The following BCL2L1 variants were observed in gnomAD, a reference collection of about 807,000 sequenced individuals.
The protein encoded by BCL2L1 is BCL2 like 1, also known as bcl-2-like protein 1.
A neutral mutation model predicts 18.7 loss-of-function variants in BCL2L1; 1 was observed. That is an observed-to-expected ratio of 0.05 (90% CI 0.02 to 0.25). BCL2L1 has a LOEUF of 0.25. BCL2L1 is among the 10% of genes least tolerant of loss of function. The pLI is 1.00. For missense variants in BCL2L1, 207 were observed against 304.9 expected (o/e 0.68, Z 2.39); for synonymous variants, 103 against 122.7 (o/e 0.84, Z 1.06).
intron 2 of BCL2L1, among the ~76,000 whole-genome samples, chr20:31,676,970 G>A (rs937038231): frequency 9.9e-5 from 15 of 152,004 alleles, no homozygotes; most frequent in African/African-American, 2.9e-4. Flanking sequence ...CTCTCTCTCC[G>A]CTGCTGCTCT....
rs190480493 is a variant in BCL2L1 at position 31,681,298 on chromosome 20, G to A, written c.565-15212C>T. ...ATCAGGAAAATATGACAGTGGCTTA[G>A]CCACAATGGTGCCAGGGAAGTTGGT... On this transcript the variant is annotated intron_variant, in intron 2 of 2. Transcript: ENST00000307677. 3.3e-5 allele frequency among the ~76,000 whole-genome samples: 5 copies of A among 152,298 alleles called. No homozygotes were observed. In the East Asian group the frequency reaches 9.6e-4, roughly 29 times the overall value.
intron 2 of BCL2L1, among the ~76,000 whole-genome samples, chr20:31,686,674 A>G (rs891223224): frequency 1.3e-5 from 2 of 152,170 alleles, no homozygotes; most frequent in African/African-American, 4.8e-5. Flanking sequence ...CAGGCCACCC[A>G]GCATGATACC....
intron 2 of BCL2L1, among the ~76,000 whole-genome samples, chr20:31,667,886 T>C (rs762533018): frequency 6.6e-6 from 1 of 152,144 alleles, no homozygotes; most frequent in African/African-American, 2.4e-5. Context: ...ATTAAGGCAG[T>C]AGAGAGCAGT....
intron 2 of BCL2L1, among the ~76,000 whole-genome samples, chr20:31,711,443 AC>A (rs1363747332): frequency 2.6e-5 from 4 of 152,188 alleles, no homozygotes; most frequent in Non-Finnish European, 5.9e-5. Flanking sequence ...GATGGATGGC[AC>A]ATGTAGACTG....
intron 2 of BCL2L1, among the ~76,000 whole-genome samples, chr20:31,687,635 A>C (rs2060982511): frequency 7.2e-6 from 1 of 139,272 alleles, no homozygotes; most frequent in African/African-American, 2.7e-5. Context: ...CAAGATTGCC[A>C]CTCCACTCCT....
chr20:31,670,987 G>C (rs2122445153), intron 2 of BCL2L1, among the ~76,000 whole-genome samples: 1 of 152,298 alleles, frequency 6.6e-6, no homozygotes, highest in East Asian at 1.9e-4. Flanking sequence ...TGGTAGGCAG[G>C]GGATGAGGTT....
chr20:31,693,094 A>G (rs1241523037), intron 2 of BCL2L1, among the ~76,000 whole-genome samples: 1 of 149,826 alleles, frequency 6.7e-6, no homozygotes, highest in Admixed American at 6.7e-5. Flanking sequence ...AAACAAAAAC[A>G]AAAAAAAGCA....
chr20:31,690,751 C>A (rs1315725150), intron 2 of BCL2L1, among the ~76,000 whole-genome samples: 1 of 151,938 alleles, frequency 6.6e-6, no homozygotes, highest in Non-Finnish European at 1.5e-5. Flanking sequence ...GATAAACTCT[C>A]TCCCACATGC....
intron 2 of BCL2L1, 148 bp downstream of exon 2, chr20:31,721,507 G>T: frequency 1.1e-6 from 1 of 906,556 alleles, no homozygotes; most frequent in Non-Finnish European, 1.6e-6. Flanking sequence ...TTAACCTCTT[G>T]TGGTGAAATG....
At chr20:31,676,378 A>T (rs1600773700) in intron 2 of BCL2L1, among the ~76,000 whole-genome samples, 1 of 152,180 alleles carries the variant, frequency 6.6e-6, no homozygotes, top group East Asian at 1.9e-4. Context: ...TCCCAAGGTC[A>T]CAGAGGCCAC....
chr20:31,715,504 T>C (rs1427222270), intron 2 of BCL2L1, among the ~76,000 whole-genome samples: 21 of 152,136 alleles, frequency 1.4e-4, no homozygotes, highest in African/African-American at 4.1e-4. Context: ...TCCCTCTGCT[T>C]TAAACACCCT....
intron 2 of BCL2L1, 189 bp downstream of exon 2, chr20:31,721,466 G>A (rs2061628723): frequency 1.5e-6 from 1 of 665,016 alleles, no homozygotes; most frequent in African/African-American, 1.8e-5. Flanking sequence ...CCTGATCTCT[G>A]AAGCACAGGG....
At position 31,722,670 on chromosome 20, in the gene BCL2L1, T is replaced by C. The variant is rs2061656538; in HGVS notation, c.-183A>G. 6.6e-6 allele frequency: 1 copy of C among 152,586 alleles called. No homozygotes were observed. Among genetic ancestry groups the C allele is most frequent in the Non-Finnish European group, 1.5e-5 (1 of 68,352 alleles). The allele number at this position is 152,586 out of a possible 1,614,324, so 9.5% of individuals were successfully genotyped here. ...GCAGGTGCAGCCCCCGGAAGATCTT[T>C]TGTATCACAGGTCGGGAGAGGAGGT... On this transcript the variant is annotated 5_prime_UTR_variant, in exon 1 of 3. Coordinates refer to ENST00000307677, the MANE Select transcript of BCL2L1 (RefSeq NM_138578.3).
rs75462334 is a variant in BCL2L1 at position 31,685,931 on chromosome 20, G to C, written c.565-19845C>G. Among the ~76,000 whole-genome samples the C allele has an allele frequency of 7.9e-5, 12 of 152,190 alleles. No homozygotes were observed. The East Asian group carries it at 2.1e-3, about 27-fold the overall frequency. ...AAAAGTGCAGTGAACAGGTACTCTAGGAGGCCTTTGGCATTATTATTATGC... is the reference window on the plus strand; with the variant it reads ...AAAAGTGCAGTGAACAGGTACTCTACGAGGCCTTTGGCATTATTATTATGC... On this transcript the variant is annotated intron_variant, in intron 2 of 2. Coordinates refer to ENST00000307677, the MANE Select transcript of BCL2L1 (RefSeq NM_138578.3).
intron 2 of BCL2L1, among the ~76,000 whole-genome samples, chr20:31,697,382 G>A (rs540258839): frequency 1.3e-5 from 2 of 152,222 alleles, no homozygotes; most frequent in South Asian, 4.1e-4. Context: ...AAATGGAAGA[G>A]GGAAGAGGAC....
chr20:31,709,322 T>C (rs776182670), intron 2 of BCL2L1, among the ~76,000 whole-genome samples: 2 of 152,106 alleles, frequency 1.3e-5, no homozygotes, highest in Non-Finnish European at 2.9e-5. Context: ...TGCTCGTGTG[T>C]GTGTGTGCGC....
At chr20:31,676,154 C>T (rs989553637) in intron 2 of BCL2L1, among the ~76,000 whole-genome samples, 1 of 152,168 alleles carries the variant, frequency 6.6e-6, no homozygotes, top group African/African-American at 2.4e-5. Flanking sequence ...AAAGCATTTA[C>T]TGGGGGCAGA....
At chr20:31,693,441 T>G (rs747879780) in intron 2 of BCL2L1, among the ~76,000 whole-genome samples, 14 of 151,786 alleles carry the variant, frequency 9.2e-5, no homozygotes, top group African/African-American at 3.1e-4. Context: ...TGGTAAGATA[T>G]CACAAAAGAA....
chr20:31,686,529 T>C (rs911604912), intron 2 of BCL2L1: 1 of 152,220 alleles, frequency 6.6e-6, no homozygotes, highest in African/African-American at 2.4e-5. Flanking sequence ...TCACCACATT[T>C]GCAAAGAGAG....
Sources: gnomAD v4.1 joint callset for allele counts (sites outside exome capture counted in the v4.1 genomes callset) on GRCh38, gnomAD v4.1.1 for gene constraint, MANE v1.5 for transcripts, NCBI Gene and HGNC (gene_info 2026-07-23, HGNC 2026-07-21) for gene names.